TBC1D5: variants seen among roughly 807,000 people sequenced by gnomAD.
The protein encoded by TBC1D5 is TBC1 domain family, member 5.
In TBC1D5, 75 loss-of-function variants were observed where a neutral mutation model predicts 100.3. That is an observed-to-expected ratio of 0.75 (90% CI 0.62 to 0.91). The LOEUF (loss-of-function observed/expected upper bound fraction) is 0.91. TBC1D5 is among the 40% of genes least tolerant of loss of function. The pLI is 0.00. For synonymous variants in TBC1D5, 323 were observed against 325.6 expected (o/e 0.99, Z 0.09); for missense variants, 910 against 942.4 (o/e 0.97, Z 0.45).
chr3:17,663,059 C>T (rs1366477707), intron 1 of TBC1D5: 1 of 152,128 alleles, frequency 6.6e-6, no homozygotes, highest in East Asian at 1.9e-4. Flanking sequence ...CAAGCAGTTC[C>T]AGTGTGCTTT....
intron 2 of TBC1D5, among the ~76,000 whole-genome samples, chr3:17,523,425 A>G (rs2096086061): frequency 1.3e-5 from 2 of 152,178 alleles, no homozygotes; most frequent in Admixed American, 1.3e-4. Flanking sequence ...AAGGAGCTCT[A>G]ACTCTGAAAG....
intron 2 of TBC1D5, among the ~76,000 whole-genome samples, chr3:17,601,827 T>TTTTTTTA (rs1300408522): frequency 6.6e-6 from 1 of 151,980 alleles, no homozygotes; most frequent in East Asian, 1.9e-4. Context: ...ATAAGTGGGT[T>TTTTTTTA]TTTTTTATTT....
chr3:17,401,116 A>G (rs531463837), intron 8 of TBC1D5, among the ~76,000 whole-genome samples: 1 of 152,002 alleles, frequency 6.6e-6, no homozygotes, highest in Non-Finnish European at 1.5e-5. Context: ...CTACTATTCT[A>G]TCAACTATAG....
intron 15 of TBC1D5, among the ~76,000 whole-genome samples, chr3:17,271,908 C>T (rs184471560): frequency 1.3e-4 from 20 of 152,082 alleles, no homozygotes; most frequent in East Asian, 9.7e-4. Flanking sequence ...CTATACAAGA[C>T]GACCATCTGC....
chr3:17,704,746 G>T (rs1198296910), intron 1 of TBC1D5, among the ~76,000 whole-genome samples: 1 of 56,842 alleles, frequency 1.8e-5, no homozygotes, highest in African/African-American at 6.6e-5. Context: ...CCGGGCAGAG[G>T]GACTCCTCAC....
At chr3:17,228,162 T>G (rs2075092009) in intron 17 of TBC1D5, among the ~76,000 whole-genome samples, 1 of 152,112 alleles carries the variant, frequency 6.6e-6, no homozygotes, top group Non-Finnish European at 1.5e-5. Context: ...ACTGAGGCTG[T>G]GGTGGTAGAT....
At chr3:17,698,106 C>T (rs1039464349) in intron 1 of TBC1D5, among the ~76,000 whole-genome samples, 1 of 152,008 alleles carries the variant, frequency 6.6e-6, no homozygotes, top group Non-Finnish European at 1.5e-5. Flanking sequence ...GCCAAAAGAA[C>T]AAAGCTGGAG....
chr3:17,313,078 T>C (rs916812097), intron 13 of TBC1D5, among the ~76,000 whole-genome samples: 30 of 152,284 alleles, frequency 2.0e-4, no homozygotes, highest in African/African-American at 6.5e-4. Context: ...ATGGTAATAG[T>C]CTAATACAGC....
At position 17,465,376 on chromosome 3, in the gene TBC1D5, T is replaced by C. The variant is rs545291387; in HGVS notation, c.98-36857A>G. ...GGCCAAAGGAATAAGGAATGTGCCA[T>C]ACCATATCCATGTGTGGCTGTCGAG... is the stretch of plus-strand genomic sequence containing the variant. On this transcript the variant is annotated intron_variant, in intron 3 of 21. Transcript: ENST00000253692. 4.3e-5 allele frequency: 8 copies of C among 184,470 alleles called. No homozygotes were observed. The South Asian group carries it at 8.9e-4, about 20-fold the overall frequency. The allele number at this position is 184,470 out of a possible 1,614,324, so 11.4% of individuals were successfully genotyped here.
At chr3:17,334,433 C>T (rs765477588) in intron 13 of TBC1D5, among the ~76,000 whole-genome samples, 1 of 152,052 alleles carries the variant, frequency 6.6e-6, no homozygotes, top group Non-Finnish European at 1.5e-5. Flanking sequence ...TTTTCTTTTA[C>T]ACTTATAAAT....
chr3:17,293,141 C>T (rs561023834), intron 14 of TBC1D5, among the ~76,000 whole-genome samples: 1 of 152,142 alleles, frequency 6.6e-6, no homozygotes, highest in African/African-American at 2.4e-5. Context: ...TTTCATACAT[C>T]TGCTTTCATT....
intron 3 of TBC1D5, among the ~76,000 whole-genome samples, chr3:17,476,536 T>A (rs905900516): frequency 2.7e-5 from 4 of 150,938 alleles, no homozygotes; most frequent in African/African-American, 9.9e-5. Context: ...CCTAGTTATA[T>A]AAAATGTGCA....
At chr3:17,661,810 A>G (rs768702808) in intron 1 of TBC1D5, among the ~76,000 whole-genome samples, 1 of 152,086 alleles carries the variant, frequency 6.6e-6, no homozygotes, top group African/African-American at 2.4e-5. Flanking sequence ...CATCTTCTTA[A>G]AAGTGTTTTT....
At chr3:17,227,327 C>T (rs898685620) in intron 17 of TBC1D5, among the ~76,000 whole-genome samples, 18 of 152,172 alleles carry the variant, frequency 1.2e-4, no homozygotes, top group Middle Eastern at 6.8e-3. Context: ...TGATTAAAAC[C>T]TTTGGTGCTC....
chr3:17,176,084 G>T (rs2067693442), intron 19 of TBC1D5, among the ~76,000 whole-genome samples: 1 of 152,200 alleles, frequency 6.6e-6, no homozygotes, highest in South Asian at 2.1e-4. Context: ...AAAACAGGCT[G>T]TAGAATCAGA....
chr3:17,524,156 A>G (rs758832101), intron 2 of TBC1D5, among the ~76,000 whole-genome samples: 2 of 152,226 alleles, frequency 1.3e-5, no homozygotes, highest in Non-Finnish European at 2.9e-5. Context: ...TTTTATACAT[A>G]TACACAGCCA....
chr3:17,360,155 T>C (rs778235994), intron 13 of TBC1D5, among the ~76,000 whole-genome samples: 3 of 152,042 alleles, frequency 2.0e-5, no homozygotes, highest in Non-Finnish European at 4.4e-5. Flanking sequence ...CATTCCTTTG[T>C]TTTACTGTGA....
intron 1 of TBC1D5, among the ~76,000 whole-genome samples, chr3:17,657,209 G>C (rs2066159284): frequency 6.6e-6 from 1 of 151,918 alleles, no homozygotes; most frequent in Admixed American, 6.6e-5. Context: ...CAGAGAGGTA[G>C]AAACCAGAAT....
At chr3:17,308,945 T>G (rs1436347218) in intron 13 of TBC1D5, among the ~76,000 whole-genome samples, 1 of 152,096 alleles carries the variant, frequency 6.6e-6, no homozygotes. Flanking sequence ...GAAAAAAATT[T>G]GGTTTGATGT....
Sources: gnomAD v4.1 joint callset for allele counts (sites outside exome capture counted in the v4.1 genomes callset) on GRCh38, gnomAD v4.1.1 for gene constraint, MANE v1.5 for transcripts, NCBI Gene and HGNC (gene_info 2026-07-23, HGNC 2026-07-21) for gene names.